Variants in DLGAP2 observed in about 807,000 individuals in gnomAD.
DLGAP2 encodes disks large-associated protein 2.
DLGAP2 carries 26 observed loss-of-function variants against 100.3 expected under a neutral mutation model. That is an observed-to-expected ratio of 0.26 (90% CI 0.19 to 0.36). The LOEUF is 0.36. Ranked by LOEUF, DLGAP2 falls within the 10% of genes least tolerant of loss-of-function variation. The pLI is 1.00. For missense variants in DLGAP2, 1,858 were observed against 1,453.2 expected, an observed-to-expected ratio of 1.28 and a Z score of -4.53; for synonymous variants, 886 against 630.1, an observed-to-expected ratio of 1.41 and a Z score of -6.08.
chr8:919,483 C>G (rs1464325909), intron 2 of DLGAP2, among the ~76,000 whole-genome samples: 2 of 152,098 alleles, frequency 1.3e-5, no homozygotes, highest in African/African-American at 2.4e-5. Context: ...CTGATGAGCT[C>G]CAAGGAAAGG....
At chr8:820,539 T>C (rs1796564659) in intron 1 of DLGAP2, among the ~76,000 whole-genome samples, 1 of 152,168 alleles carries the variant, frequency 6.6e-6, no homozygotes. Context: ...TACACAGAAA[T>C]TTGTTTGCTC....
At chr8:983,225 A>G (rs958770059) in intron 2 of DLGAP2, among the ~76,000 whole-genome samples, 8 of 152,196 alleles carry the variant, frequency 5.3e-5, no homozygotes, top group Non-Finnish European at 1.0e-4. Flanking sequence ...TGGAAGGTAC[A>G]GGTCCTCGAG....
chr8:1,504,304 G>T (rs550294078), intron 4 of DLGAP2, among the ~76,000 whole-genome samples: 3 of 152,114 alleles, frequency 2.0e-5, no homozygotes, highest in Admixed American at 6.5e-5. Flanking sequence ...TGTGTGTATA[G>T]TATACAACGT....
intron 2 of DLGAP2, among the ~76,000 whole-genome samples, chr8:990,239 T>A (rs189904355): frequency 5.1e-4 from 78 of 152,112 alleles, no homozygotes; most frequent in African/African-American, 1.9e-3. Flanking sequence ...GTCGTGATGT[T>A]GCCATGTGGG....
At chr8:1,197,582 C>T (rs1387249065) in intron 2 of DLGAP2, among the ~76,000 whole-genome samples, 2 of 152,000 alleles carry the variant, frequency 1.3e-5, no homozygotes, top group Admixed American at 6.5e-5. Context: ...CAGCTGTCCA[C>T]CTAAACCTGA....
chr8:1,702,807 A>G lies in DLGAP2; in HGVS notation c.*1401A>G, dbSNP rs1216414446. On this transcript the variant is annotated 3_prime_UTR_variant, in exon 15 of 15. Coordinates refer to ENST00000637795, the MANE Select transcript of DLGAP2 (RefSeq NM_001346810.2). ...CCTGTCCGATTTTTCCATGGGTTCC[A>G]GTTTCAGAGTTCTCATTATTACTCA... The G allele has an allele frequency of 1.3e-5, 2 of 152,492 alleles. No homozygotes were observed. Among genetic ancestry groups the G allele is most frequent in the Non-Finnish European group, 1.5e-5 (1 of 68,046 alleles). 9.4% of individuals were successfully genotyped at this position (152,492 alleles called of 1,614,324 possible).
At chr8:1,555,154 C>A (rs569110000) in intron 5 of DLGAP2, among the ~76,000 whole-genome samples, 1 of 152,134 alleles carries the variant, frequency 6.6e-6, no homozygotes, top group Non-Finnish European at 1.5e-5. Flanking sequence ...AATAGCAGGT[C>A]CGGGAGGAGC....
intron 2 of DLGAP2, among the ~76,000 whole-genome samples, chr8:1,089,147 C>A (rs987672498): frequency 1.3e-5 from 2 of 149,430 alleles, no homozygotes; most frequent in African/African-American, 5.0e-5. Flanking sequence ...GCAGGCTATG[C>A]AATTCTCGCT....
At chr8:1,425,625 G>A (rs1019558818) in intron 3 of DLGAP2, among the ~76,000 whole-genome samples, 2 of 152,176 alleles carry the variant, frequency 1.3e-5, no homozygotes, top group African/African-American at 4.8e-5. Context: ...TGATCCACAT[G>A]GTCTTCCACA....
At chr8:818,184 G>C (rs544578209) in intron 1 of DLGAP2, among the ~76,000 whole-genome samples, 1 of 152,160 alleles carries the variant, frequency 6.6e-6, no homozygotes, top group Non-Finnish European at 1.5e-5. Flanking sequence ...CAGCTGCTGT[G>C]GGGGATGGAC....
At chr8:1,646,788 C>A (rs1043885413) in intron 8 of DLGAP2, among the ~76,000 whole-genome samples, 6 of 152,020 alleles carry the variant, frequency 3.9e-5, no homozygotes, top group South Asian at 2.1e-4. Context: ...GCTGGTGTGT[C>A]AGGAGTGAAG....
At chr8:1,001,541 GT>G (rs1800956412) in intron 2 of DLGAP2, among the ~76,000 whole-genome samples, 1 of 152,154 alleles carries the variant, frequency 6.6e-6, no homozygotes, top group Non-Finnish European at 1.5e-5. Context: ...TGAGGAAGGT[GT>G]CATGAAACCT....
chr8:1,551,822 A>G (rs753263448), intron 5 of DLGAP2, among the ~76,000 whole-genome samples: 3 of 152,122 alleles, frequency 2.0e-5, no homozygotes, highest in Non-Finnish European at 4.4e-5. Flanking sequence ...TTTGAAACAT[A>G]ACCACCTGCA....
intron 3 of DLGAP2, among the ~76,000 whole-genome samples, chr8:1,273,786 C>T (rs935434464): frequency 6.6e-6 from 1 of 152,182 alleles, no homozygotes; most frequent in Admixed American, 6.5e-5. Context: ...GTAGAATTCC[C>T]AGGGAGCTAA....
intron 1 of DLGAP2, among the ~76,000 whole-genome samples, chr8:766,372 C>T (rs1443083891): frequency 6.6e-6 from 1 of 152,226 alleles, no homozygotes; most frequent in African/African-American, 2.4e-5. Flanking sequence ...GTTCAAGTCA[C>T]ACCTATGCTG....
intron 1 of DLGAP2, chr8:754,088 C>G (rs1398106006): frequency 6.6e-6 from 1 of 152,262 alleles, no homozygotes; most frequent in East Asian, 1.9e-4. Flanking sequence ...CACCGCTCCA[C>G]GTGGGGAGTG....
chr8:1,668,560 C>A lies in DLGAP2; in HGVS notation c.2042C>A (p.Ala681Asp), dbSNP rs756050196. 9 of 1,590,592 alleles carry A rather than the reference C, an allele frequency of 5.7e-6. No homozygotes were observed. Among genetic ancestry groups the A allele is most frequent in the Non-Finnish European group, 6.8e-6 (8 of 1,169,934 alleles). Residue 681 changes from alanine to aspartate, a missense_variant, in exon 9 of 15, where the codon GCT becomes GAT. Physicochemically the swap from Ala to Asp is moderately radical, Grantham distance 126 (BLOSUM62 -2). Coordinates refer to ENST00000637795, the MANE Select transcript of DLGAP2 (RefSeq NM_001346810.2). ...ATGAACCTCGCGCTGGAAACGGCCGCTGCCCAGCGCCACCTGCCAGAGAGC... is the reference window on the plus strand; with the variant it reads ...ATGAACCTCGCGCTGGAAACGGCCGATGCCCAGCGCCACCTGCCAGAGAGC... ...KAMNLALETA[A>D]AQRHLPESQS...
At chr8:1,235,945 G>A (rs62487764) in intron 2 of DLGAP2, among the ~76,000 whole-genome samples, 1 of 6,952 alleles carries the variant, frequency 1.4e-4, no homozygotes, top group Non-Finnish European at 4.5e-4. Flanking sequence ...CTCACATGGC[G>A]CCGTGTCTAG....
At chr8:1,309,876 C>T (rs1054043398) in intron 3 of DLGAP2, among the ~76,000 whole-genome samples, 1 of 152,178 alleles carries the variant, frequency 6.6e-6, no homozygotes, top group African/African-American at 2.4e-5. Flanking sequence ...GGGCAGATTT[C>T]TTGAGGTCAG....
Sources: allele counts gnomAD v4.1 joint callset (sites outside exome capture counted in the v4.1 genomes callset), GRCh38; gene constraint gnomAD v4.1.1; transcripts MANE v1.5; gene names NCBI Gene and HGNC (gene_info 2026-07-23, HGNC 2026-07-21).